Variants in PCDHGB2 observed in about 807,000 individuals in gnomAD.
PCDHGB2 encodes the protein protocadherin gamma-B2.
PCDHGB2 carries 55 observed loss-of-function variants against 59.3 expected under a neutral mutation model. The ratio of observed to expected loss-of-function variants is 0.93; its 90% CI spans 0.75 to 1.16. PCDHGB2 has a LOEUF of 1.16. PCDHGB2 is among the 50% of genes most tolerant of loss of function. The pLI, the probability that PCDHGB2 is intolerant of heterozygous loss-of-function variation, is 0.00. For synonymous variants in PCDHGB2, 516 were observed against 512.0 expected, an observed-to-expected ratio of 1.01 and a Z score of -0.11; for missense variants, 1,228 against 1,198.5, an observed-to-expected ratio of 1.02 and a Z score of -0.36.
chr5:141,420,540 A>G, intron 1 of PCDHGB2: 1 of 306,814 alleles, frequency 3.3e-6, no homozygotes, highest in Non-Finnish European at 5.7e-6. Context: ...AAAAATATAA[A>G]ATACAGGTAT....
At chr5:141,464,600 C>T (rs970370250) in intron 1 of PCDHGB2, among the ~76,000 whole-genome samples, 24 of 152,118 alleles carry the variant, frequency 1.6e-4, no homozygotes, top group Admixed American at 1.1e-3. Flanking sequence ...CCATAGTCTC[C>T]TTTGCAGAGT....
At chr5:141,365,038 C>T (rs1763692774) in intron 1 of PCDHGB2, 3 of 1,613,858 alleles carry the variant, frequency 1.9e-6, no homozygotes, top group Non-Finnish European at 2.5e-6. Flanking sequence ...TCGACGCAAA[C>T]GACAATGCGC....
At chr5:141,420,386 AT>A (rs2096493306) in intron 1 of PCDHGB2, 1 of 1,284,798 alleles carries the variant, frequency 7.8e-7, no homozygotes, top group African/African-American at 1.5e-5. Flanking sequence ...AGTTCGCAAA[AT>A]ATAGGTCAAA....
chr5:141,400,311 T>A, intron 1 of PCDHGB2: 1 of 1,614,098 alleles, frequency 6.2e-7, no homozygotes, highest in Non-Finnish European at 8.5e-7. Flanking sequence ...CTGGTCTCTG[T>A]GTCAAGTCTG....
At position 141,372,426 on chromosome 5, in the gene PCDHGB2, C is replaced by A; in HGVS notation, c.2421+9870C>A. ...AGAGATACAACCTGACCTTAGCGAC[C>A]GCCCCACTCCCTCTGACCCTCAGGC... On this transcript the variant is annotated intron_variant, in intron 1 of 3. Coordinates refer to ENST00000522605, the MANE Select transcript of PCDHGB2 (RefSeq NM_018923.3). 1 of 1,614,026 alleles carries A rather than the reference C, an allele frequency of 6.2e-7. No individual in the cohort carries two copies. Among genetic ancestry groups the A allele is most frequent in the Non-Finnish European group, 8.5e-7 (1 of 1,179,890 alleles).
intron 1 of PCDHGB2, chr5:141,374,920 T>A: frequency 1.1e-5 from 17 of 1,613,964 alleles, no homozygotes; most frequent in Non-Finnish European, 1.4e-5. Context: ...AAGTAACTTA[T>A]TCCTTTGTGA....
chr5:141,477,042 G>A lies in PCDHGB2; in HGVS notation c.2422-17765G>A. ...ACCGGGATGCTGACAATCAAGGGTC[G>A]GCTGGACTTCGAGGACACCAAACTC... On this transcript the variant is annotated intron_variant, in intron 1 of 3. Transcript: ENST00000522605. This position sits in a 1 kb window ranked among gnomAD's most constrained non-coding sequence, Gnocchi z 4.9. 1 of 1,614,238 alleles carries A rather than the reference G, an allele frequency of 6.2e-7. No homozygotes were observed. Among genetic ancestry groups the A allele is most frequent in the Non-Finnish European group, 8.5e-7 (1 of 1,180,040 alleles).
chr5:141,475,721 G>C (rs867365261), intron 1 of PCDHGB2, among the ~76,000 whole-genome samples: 5 of 152,248 alleles, frequency 3.3e-5, no homozygotes, highest in Non-Finnish European at 7.3e-5. Context: ...ACAGCCCCAA[G>C]GCTGGCTTTC....
chr5:141,365,329 G>T (rs768826451), intron 1 of PCDHGB2: 1 of 1,613,968 alleles, frequency 6.2e-7, no homozygotes, highest in Non-Finnish European at 8.5e-7. Flanking sequence ...GCGCTAAGGT[G>T]GTGGTCACAG....
intron 1 of PCDHGB2, chr5:141,415,377 C>A: frequency 1.2e-6 from 2 of 1,614,236 alleles, no homozygotes; most frequent in Non-Finnish European, 1.7e-6. Flanking sequence ...CTTCAGGAGG[C>A]GGCTTGACAG....
chr5:141,465,142 T>TCCCTAA (rs2099097979), intron 1 of PCDHGB2, among the ~76,000 whole-genome samples: 3 of 151,990 alleles, frequency 2.0e-5, no homozygotes, highest in Non-Finnish European at 4.4e-5. Flanking sequence ...GTTTAGGGGA[T>TCCCTAA]ATATGAAGGG....
At chr5:141,484,075 C>G (rs1397285710) in intron 1 of PCDHGB2, among the ~76,000 whole-genome samples, 2 of 152,084 alleles carry the variant, frequency 1.3e-5, no homozygotes, top group African/African-American at 4.8e-5. Context: ...AAAGCTTGCT[C>G]TTTTGAAATG....
At chr5:141,502,914 T>G (rs78646636) in intron 2 of PCDHGB2, among the ~76,000 whole-genome samples, 4,865 of 139,540 alleles carry the variant, frequency 0.035, 119 homozygotes, top group South Asian at 0.075. Flanking sequence ...CAGGCTGGAG[T>G]GCAGTGGCAA....
At chr5:141,471,660 A>G (rs1010236543) in intron 1 of PCDHGB2, 12 of 152,184 alleles carry the variant, frequency 7.9e-5, no homozygotes, top group Non-Finnish European at 1.8e-4. Flanking sequence ...GTGGGGATGC[A>G]GAAAAAAATA....
chr5:141,445,621 G>A (rs1216813961), intron 1 of PCDHGB2, among the ~76,000 whole-genome samples: 4 of 151,996 alleles, frequency 2.6e-5, no homozygotes, highest in African/African-American at 7.2e-5. Flanking sequence ...TCTTTTTTTC[G>A]GAAAGTGATA....
At chr5:141,457,167 C>T (rs1465212183) in intron 1 of PCDHGB2, among the ~76,000 whole-genome samples, 1 of 152,114 alleles carries the variant, frequency 6.6e-6, no homozygotes, top group East Asian at 1.9e-4. Context: ...CATGGATAAC[C>T]CTATTGCAAA....
intron 1 of PCDHGB2, chr5:141,433,338 T>G (rs2097583623): frequency 3.1e-6 from 2 of 651,932 alleles, no homozygotes; most frequent in South Asian, 4.0e-5. Context: ...GGACTACAGG[T>G]GCAAGCCACC....
chr5:141,509,638 A>G (rs1204228233), intron 3 of PCDHGB2, among the ~76,000 whole-genome samples: 1 of 152,174 alleles, frequency 6.6e-6, no homozygotes, highest in Admixed American at 6.5e-5. Flanking sequence ...ATGCTGAGCC[A>G]GGGCCAGAGT....
At chr5:141,499,707 T>G (rs1303008532) in intron 2 of PCDHGB2, among the ~76,000 whole-genome samples, 2 of 150,494 alleles carry the variant, frequency 1.3e-5, no homozygotes, top group African/African-American at 2.5e-5. Flanking sequence ...TTTTTTTTTT[T>G]TTTTGGAGAC....
Sources: allele counts gnomAD v4.1 joint callset (sites outside exome capture counted in the v4.1 genomes callset), GRCh38; gene constraint gnomAD v4.1.1; non-coding constraint Gnocchi (gnomAD v3.1); transcripts MANE v1.5; gene names NCBI Gene and HGNC (gene_info 2026-07-23, HGNC 2026-07-21).